CCNY: variants seen among roughly 807,000 people sequenced by gnomAD.
CCNY encodes the protein cyclin Y.
CCNY carries 19 observed loss-of-function variants against 42.8 expected under a neutral mutation model. The ratio of observed to expected loss-of-function variants is 0.44; its 90% CI spans 0.31 to 0.65. The LOEUF (loss-of-function observed/expected upper bound fraction) is 0.65, where lower values mean the gene tolerates loss of function less well. Ranked by LOEUF, CCNY falls within the 30% of genes least tolerant of loss-of-function variation. The pLI is 0.07. For missense variants in CCNY, 370 were observed against 437.3 expected, an observed-to-expected ratio of 0.85 and a Z score of 1.37; for synonymous variants, 165 against 162.7, an observed-to-expected ratio of 1.01 and a Z score of -0.11.
intron 3 of CCNY, among the ~76,000 whole-genome samples, chr10:35,314,074 G>C (rs1835724044): frequency 6.7e-6 from 1 of 149,902 alleles, no homozygotes; most frequent in African/African-American, 2.5e-5. Flanking sequence ...ATTCATCTTA[G>C]AAAACTGGAA....
At chr10:35,501,465 C>T (rs1384097934) in intron 2 of CCNY, 36 bp from the exon 3 acceptor site, 16 of 1,602,832 alleles carry the variant, frequency 1.0e-5, no homozygotes, top group Admixed American at 1.7e-5. Context: ...GGCATGCAGG[C>T]ATATAACATT....
chr10:35,339,396 A>G (rs1290621840), intron 1 of CCNY, among the ~76,000 whole-genome samples: 5 of 152,198 alleles, frequency 3.3e-5, no homozygotes, highest in Non-Finnish European at 7.3e-5. Flanking sequence ...GGCTGAGAGA[A>G]GAGAACAGGT....
At chr10:35,286,397 C>T (rs1381954119) in intron 3 of CCNY, among the ~76,000 whole-genome samples, 6 of 146,350 alleles carry the variant, frequency 4.1e-5, no homozygotes, top group Non-Finnish European at 6.0e-5. Context: ...CTCACTCTGT[C>T]GCCCAGGCTG....
At chr10:35,270,411 T>C (rs1835148916) in intron 3 of CCNY, among the ~76,000 whole-genome samples, 1 of 152,216 alleles carries the variant, frequency 6.6e-6, no homozygotes, top group African/African-American at 2.4e-5. Context: ...AGGGGAGGAA[T>C]TACCAATGTG....
chr10:35,452,624 T>A (rs1838942620), intron 1 of CCNY, among the ~76,000 whole-genome samples: 1 of 152,216 alleles, frequency 6.6e-6, no homozygotes, highest in South Asian at 2.1e-4. Flanking sequence ...CATTTCAGAA[T>A]AAAATTCTTG....
rs955720315 is a variant in CCNY at position 35,570,507 on chromosome 10, G to A, written c.*1337G>A. On this transcript the variant is annotated 3_prime_UTR_variant, in exon 10 of 10. Coordinates refer to ENST00000374704, the MANE Select transcript of CCNY (RefSeq NM_145012.6). Reference sequence around the variant, plus strand: ...TCAAGTAAAATGAAAGTTGATGATAGAATATCAAATAGTGAATTTGATATG... The same window carrying A: ...TCAAGTAAAATGAAAGTTGATGATAAAATATCAAATAGTGAATTTGATATG... 4 of 152,392 alleles carry A rather than the reference G, an allele frequency of 2.6e-5. No individual in the cohort carries two copies. In the South Asian group the frequency reaches 8.3e-4, roughly 32 times the overall value. The allele number at this position is 152,392 out of a possible 1,614,324, so 9.4% of individuals were successfully genotyped here. A position where few individuals can be genotyped will look rare whatever the true frequency, so the allele number is the denominator to read the frequency against.
intron 3 of CCNY, among the ~76,000 whole-genome samples, chr10:35,298,009 A>G (rs1835491371): frequency 6.6e-6 from 1 of 152,022 alleles, no homozygotes; most frequent in South Asian, 2.1e-4. Context: ...TTCTTATGAA[A>G]AAAAAAAAAA....
intron 3 of CCNY, among the ~76,000 whole-genome samples, chr10:35,260,455 T>A (rs544290269): frequency 1.3e-5 from 2 of 152,334 alleles, no homozygotes; most frequent in Non-Finnish European, 2.9e-5. Flanking sequence ...CAATAGTATG[T>A]CAAATCTGGG....
chr10:35,504,163 A>C (rs1840168495), intron 3 of CCNY, among the ~76,000 whole-genome samples: 1 of 152,230 alleles, frequency 6.6e-6, no homozygotes, highest in Non-Finnish European at 1.5e-5. Flanking sequence ...GCTACTATTT[A>C]AGAGAAATGA....
At chr10:35,561,201 A>G (rs1841459327) in intron 8 of CCNY, among the ~76,000 whole-genome samples, 1 of 152,152 alleles carries the variant, frequency 6.6e-6, no homozygotes, top group Non-Finnish European at 1.5e-5. Context: ...CCAAGATCCT[A>G]GAATCCTCTT....
intron 1 of CCNY, among the ~76,000 whole-genome samples, chr10:35,362,981 A>T (rs1836722640): frequency 7.0e-6 from 1 of 142,136 alleles, no homozygotes; most frequent in Non-Finnish European, 1.5e-5. Flanking sequence ...CTTCCCAGAC[A>T]GGGCGGCGGC....
At chr10:35,256,743 T>C (rs1348552675) in intron 3 of CCNY, among the ~76,000 whole-genome samples, 3 of 114,014 alleles carry the variant, frequency 2.6e-5, no homozygotes, top group African/African-American at 3.9e-5. Context: ...AAATAAAACA[T>C]TAAAAAAAAA....
intron 1 of CCNY, among the ~76,000 whole-genome samples, chr10:35,409,854 A>G (rs957397651): frequency 5.9e-5 from 9 of 152,090 alleles, no homozygotes; most frequent in Admixed American, 5.9e-4. Flanking sequence ...TCCTAGGCTC[A>G]AGCAGTCCTC....
At chr10:35,538,890 T>C (rs1840940427) in intron 7 of CCNY, among the ~76,000 whole-genome samples, 1 of 152,240 alleles carries the variant, frequency 6.6e-6, no homozygotes, top group Non-Finnish European at 1.5e-5. Context: ...CCCTATATCT[T>C]CCTTTAGGAG....
chr10:35,372,037 T>C (rs1302517193), intron 1 of CCNY, among the ~76,000 whole-genome samples: 1 of 152,196 alleles, frequency 6.6e-6, no homozygotes, highest in Non-Finnish European at 1.5e-5. Flanking sequence ...TGTGTGAGAC[T>C]GGGGTGTGAA....
intron 1 of CCNY, among the ~76,000 whole-genome samples, chr10:35,446,270 C>T (rs1057452580): frequency 6.6e-6 from 1 of 152,180 alleles, no homozygotes; most frequent in Non-Finnish European, 1.5e-5. Context: ...AATACTTTAT[C>T]ATCTGAGAAG....
chr10:35,528,368 C>T (rs941658126), intron 5 of CCNY, among the ~76,000 whole-genome samples: 2 of 152,136 alleles, frequency 1.3e-5, no homozygotes, highest in Admixed American at 1.3e-4. Context: ...TTCATGCAGG[C>T]AAATGTAAAT....
At chr10:35,411,026 T>C (rs1837892184) in intron 1 of CCNY, among the ~76,000 whole-genome samples, 1 of 152,236 alleles carries the variant, frequency 6.6e-6, no homozygotes, top group African/African-American at 2.4e-5. Flanking sequence ...TACAACTTCG[T>C]TGTCATTATT....
chr10:35,442,016 C>G (rs1447405882), intron 1 of CCNY, among the ~76,000 whole-genome samples: 1 of 152,156 alleles, frequency 6.6e-6, no homozygotes, highest in Middle Eastern at 3.2e-3. Flanking sequence ...AAAACGATGA[C>G]ATAATTTGAA....
Sources: allele counts gnomAD v4.1 joint callset (sites outside exome capture counted in the v4.1 genomes callset), GRCh38; gene constraint gnomAD v4.1.1; transcripts MANE v1.5; gene names NCBI Gene and HGNC (gene_info 2026-07-23, HGNC 2026-07-21).